TMEM117: variants seen among roughly 807,000 people sequenced by gnomAD.
The protein encoded by TMEM117 is transmembrane protein 117.
A neutral mutation model predicts 52.4 loss-of-function variants in TMEM117; 27 were observed. The ratio of observed to expected loss-of-function variants is 0.51; its 90% CI spans 0.38 to 0.71. The LOEUF is 0.71. Ranked by LOEUF, TMEM117 falls within the 30% of genes least tolerant of loss-of-function variation. TMEM117 has a pLI of 0.00. For missense variants in TMEM117, 556 were observed against 630.5 expected (o/e 0.88, Z 1.26); for synonymous variants, 215 against 206.3 (o/e 1.04, Z -0.36).
At chr12:43,926,110 TA>T (rs1944774986) in intron 2 of TMEM117, among the ~76,000 whole-genome samples, 1 of 152,246 alleles carries the variant, frequency 6.6e-6, no homozygotes, top group East Asian at 1.9e-4. Flanking sequence ...TTTGGTCTTA[TA>T]TATCTTGAAG....
At chr12:44,215,826 C>G (rs1415876693) in intron 5 of TMEM117, among the ~76,000 whole-genome samples, 1 of 151,838 alleles carries the variant, frequency 6.6e-6, no homozygotes, top group South Asian at 2.1e-4. Context: ...TTCACAAATA[C>G]TCCAGGTCTT....
At chr12:44,251,491 G>A (rs1950196519) in intron 5 of TMEM117, among the ~76,000 whole-genome samples, 1 of 152,078 alleles carries the variant, frequency 6.6e-6, no homozygotes, top group South Asian at 2.1e-4. Context: ...CTGAGAACTG[G>A]CATTTAATCA....
intron 2 of TMEM117, among the ~76,000 whole-genome samples, chr12:43,846,104 T>C (rs78179678): frequency 0.023 from 3,397 of 150,898 alleles, 79 homozygotes; most frequent in East Asian, 0.067. Context: ...CTCTCTCTCT[T>C]TTTTTTTTGA....
intron 6 of TMEM117, among the ~76,000 whole-genome samples, chr12:44,359,299 A>G (rs891637211): frequency 7.9e-5 from 12 of 152,130 alleles, no homozygotes; most frequent in Non-Finnish European, 1.6e-4. Flanking sequence ...TTAAAATAAT[A>G]TACAAATACT....
At chr12:44,338,319 G>C (rs894370004) in intron 6 of TMEM117, among the ~76,000 whole-genome samples, 1 of 152,022 alleles carries the variant, frequency 6.6e-6, no homozygotes, top group Admixed American at 6.6e-5. Flanking sequence ...GTTTGCAGGA[G>C]TTTTTATCTT....
chr12:44,018,945 G>A (rs112940312), intron 3 of TMEM117, among the ~76,000 whole-genome samples: 2,361 of 151,824 alleles, frequency 0.016, 63 homozygotes, highest in African/African-American at 0.052. Flanking sequence ...GTCTTGATCC[G>A]CCTGCCTCAG....
At chr12:44,295,059 AT>A (rs1422280118) in intron 5 of TMEM117, among the ~76,000 whole-genome samples, 29 of 152,154 alleles carry the variant, frequency 1.9e-4, no homozygotes, top group African/African-American at 7.0e-4. Flanking sequence ...GGATGTCTGT[AT>A]CCCTCTGGGA....
chr12:44,171,430 T>G (rs755057889), intron 4 of TMEM117, among the ~76,000 whole-genome samples: 1 of 152,204 alleles, frequency 6.6e-6, no homozygotes, highest in African/African-American at 2.4e-5. Context: ...CAGCAATAAT[T>G]ATTACTGTGG....
chr12:43,826,634 G>A, the TMEM117 span, among the ~76,000 whole-genome samples: 2 of 152,212 alleles, frequency 1.3e-5, no homozygotes, highest in Admixed American at 1.3e-4. Context: ...ATAGAGTGCA[G>A]GGGTAAGAAG....
At chr12:43,925,098 A>G (rs1944757246) in intron 2 of TMEM117, among the ~76,000 whole-genome samples, 3 of 152,130 alleles carry the variant, frequency 2.0e-5, no homozygotes. Context: ...GATTTCCTCC[A>G]GAGACAGCAA....
chr12:43,977,722 G>A (rs994335654), intron 3 of TMEM117, among the ~76,000 whole-genome samples: 3 of 152,138 alleles, frequency 2.0e-5, no homozygotes, highest in African/African-American at 7.2e-5. Flanking sequence ...AGTTATATGG[G>A]ATGCCTGTGG....
At chr12:43,830,601 C>T in the TMEM117 span, among the ~76,000 whole-genome samples, 1 of 136,544 alleles carries the variant, frequency 7.3e-6, no homozygotes, top group African/African-American at 3.0e-5. Context: ...CAGAGCAAGA[C>T]ACTTGTCTCA....
At chr12:43,859,111 G>A (rs1029458258) in intron 2 of TMEM117, among the ~76,000 whole-genome samples, 49 of 152,182 alleles carry the variant, frequency 3.2e-4, no homozygotes, top group African/African-American at 1.1e-3. Flanking sequence ...CAATCTCTGA[G>A]CACCTCCAAC....
intron 5 of TMEM117, among the ~76,000 whole-genome samples, chr12:44,255,229 A>G (rs986718663): frequency 3.3e-5 from 5 of 152,226 alleles, no homozygotes; most frequent in South Asian, 2.1e-4. Context: ...CTGAGGAATC[A>G]CCACACTGAC....
At chr12:43,930,911 A>G (rs10748381) in intron 2 of TMEM117, among the ~76,000 whole-genome samples, 149,935 of 152,296 alleles carry the variant, frequency 0.98, 73,836 homozygotes, top group East Asian at 1. Flanking sequence ...CCTGAATGGA[A>G]GAGATAGAGC....
intron 3 of TMEM117, among the ~76,000 whole-genome samples, chr12:44,060,250 G>A (rs1947118694): frequency 6.6e-6 from 1 of 152,088 alleles, no homozygotes; most frequent in Non-Finnish European, 1.5e-5. Context: ...AACCATCTAA[G>A]GAAATAAATG....
chr12:43,952,670 G>A (rs1945243427), intron 3 of TMEM117, among the ~76,000 whole-genome samples: 1 of 152,146 alleles, frequency 6.6e-6, no homozygotes. Flanking sequence ...ACAACTGATT[G>A]AAGTACCTGA....
intron 3 of TMEM117, among the ~76,000 whole-genome samples, chr12:43,957,721 T>G (rs1945332542): frequency 1.3e-5 from 2 of 152,270 alleles, no homozygotes; most frequent in South Asian, 4.1e-4. Context: ...TTCAAACACT[T>G]TTTGAAGTTG....
chr12:44,184,596 C>T (rs1314848260), intron 4 of TMEM117, among the ~76,000 whole-genome samples: 1 of 152,072 alleles, frequency 6.6e-6, no homozygotes, highest in African/African-American at 2.4e-5. Flanking sequence ...GAGAAAAACC[C>T]CAGCTTACAG....
Sources: gnomAD v4.1 joint callset for allele counts (sites outside exome capture counted in the v4.1 genomes callset) on GRCh38, gnomAD v4.1.1 for gene constraint, MANE v1.5 for transcripts, NCBI Gene and HGNC (gene_info 2026-07-23, HGNC 2026-07-21) for gene names.